Variants in MYOM3 observed in about 807,000 individuals in gnomAD.
The protein encoded by MYOM3 is myomesin-3.
In MYOM3, 155 loss-of-function variants were observed where a neutral mutation model predicts 191.7. The observed-to-expected ratio is 0.81, with a 90% CI of 0.71 to 0.92. The LOEUF (loss-of-function observed/expected upper bound fraction) is 0.92. Ranked by LOEUF, MYOM3 falls within the 40% of genes least tolerant of loss-of-function variation. MYOM3 has a pLI of 0.00. For synonymous variants in MYOM3, 757 were observed against 762.9 expected (o/e 0.99, Z 0.13); for missense variants, 1,889 against 1,890.6 (o/e 1.00, Z 0.02).
intron 20 of MYOM3, among the ~76,000 whole-genome samples, chr1:24,079,348 A>G (rs1240025518): frequency 2.7e-5 from 4 of 147,132 alleles, no homozygotes; most frequent in Admixed American, 6.8e-5. Flanking sequence ...CTACAGGTAT[A>G]TACCACCACA....
chr1:24,068,872 C>T (rs531375560), intron 25 of MYOM3, among the ~76,000 whole-genome samples: 6 of 151,998 alleles, frequency 3.9e-5, no homozygotes, highest in South Asian at 4.2e-4. Context: ...TACAAGCATG[C>T]GCCACCACAC....
At position 24,108,029 on chromosome 1, in the gene MYOM3, G is replaced by C. The variant is rs186409908; in HGVS notation, c.206C>G (p.Ala69Gly). 2.1e-3 allele frequency: 3,366 copies of C among 1,613,790 alleles called. 5 individuals are homozygous for C. Among genetic ancestry groups the C allele is most frequent in the Middle Eastern group, 3.3e-3 (20 of 6,056 alleles). Residue 69 changes from alanine (A) to glycine (G), a missense_variant, in exon 3 of 37, where the codon GCA becomes GGA. By Grantham distance (60) the Ala-to-Gly change is moderately conservative (BLOSUM62 0). Transcript: ENST00000374434. ...GGAGGAGGCCGTCAGAGCCAGGGCT[G>C]CTGCCAGGGCGTAGTCCGCGGCGCT... ...EFSAADYALA[A>G]ALALTASSEL... is the part of the protein sequence containing the mutation.
intron 35 of MYOM3, among the ~76,000 whole-genome samples, chr1:24,059,450 T>C (rs1643342091): frequency 6.6e-6 from 1 of 152,244 alleles, no homozygotes; most frequent in Non-Finnish European, 1.5e-5. Context: ...TGGAAATCTC[T>C]AGAACTGTAT....
chr1:24,067,221 T>G (rs1643448133), intron 27 of MYOM3, 133 bp from the exon 28 acceptor site: 5 of 838,002 alleles, frequency 6.0e-6, no homozygotes, highest in Non-Finnish European at 9.4e-6. Context: ...CTGCCAGGGC[T>G]GGGACTGGGG....
At chr1:24,107,892 A>AG (rs1643997896) in intron 3 of MYOM3, 101 bp downstream of exon 3, 9 of 997,026 alleles carry the variant, frequency 9.0e-6, no homozygotes, top group Non-Finnish European at 1.4e-5. Flanking sequence ...GATTTTGGGC[A>AG]GGTTCTTTAC....
At chr1:24,110,192 G>C (rs1268109364) in intron 1 of MYOM3, among the ~76,000 whole-genome samples, 3 of 152,208 alleles carry the variant, frequency 2.0e-5, no homozygotes, top group Admixed American at 6.5e-5. Flanking sequence ...TGGTCTGCAG[G>C]CTTCTGGCAT....
chr1:24,060,964 G>C, intron 35 of MYOM3, 96 bp downstream of exon 35: 1 of 1,413,688 alleles, frequency 7.1e-7, no homozygotes. Flanking sequence ...CCCCACTGTG[G>C]AATGAGGCCT....
In MYOM3 at chr1:24,063,318, TG is replaced by T; in HGVS notation, c.3662-85del. 3.7e-6 allele frequency: 5 copies of T among 1,367,742 alleles called. No individual in the cohort carries two copies. The highest frequency in any genetic ancestry group is 5.2e-6 in the Non-Finnish European group (5 of 958,818). 84.7% of individuals were successfully genotyped at this position (1,367,742 alleles called of 1,614,324 possible). A position where few individuals can be genotyped will look rare whatever the true frequency, so the allele number is the denominator to read the frequency against. On this transcript the variant is annotated intron_variant, in intron 31 of 36. Coordinates refer to ENST00000374434, the MANE Select transcript of MYOM3 (RefSeq NM_152372.4). This position sits in a 1 kb window ranked among gnomAD's most constrained non-coding sequence, Gnocchi z 4.5. ...GGGGCCGGCTTGTCTGCCTCTGCCCTGGGGGGCAGGTGCTGTGGGGGAAATG... is the reference window on the plus strand; with the variant it reads ...GGGGCCGGCTTGTCTGCCTCTGCCCTGGGGGCAGGTGCTGTGGGGGAAATG...
chr1:24,062,068 G>T lies in MYOM3; in HGVS notation c.3812C>A (p.Thr1271Asn). 1 of 1,614,146 alleles carries T rather than the reference G, an allele frequency of 6.2e-7. No homozygotes were observed. Among genetic ancestry groups the T allele is most frequent in the Non-Finnish European group, 8.5e-7 (1 of 1,180,034 alleles). Residue 1271 changes from threonine (T) to asparagine (N), a missense_variant, in exon 33 of 37, where the codon ACC becomes AAC. By Grantham distance (65) the Thr-to-Asn change is moderately conservative. Coordinates refer to ENST00000374434, the MANE Select transcript of MYOM3 (RefSeq NM_152372.4). ...GTGAAGCCAGATCTCATCCAGGGTG[G>T]TGCCCGTCCTTATCCGATCACCACT... The part of the protein sequence containing the change: ...LESGDRIRTG[T>N]TLDEIWLHIL...
rs1644039879 is a variant in MYOM3 at position 24,111,748 on chromosome 1, T to TA, written c.-19+282_-19+283insT. 6.6e-6 allele frequency among the ~76,000 whole-genome samples: 1 copy of TA among 151,920 alleles called. No individual in the cohort carries two copies. The highest frequency in any genetic ancestry group is 2.4e-5 in the African/African-American group (1 of 41,348). ...TCCCAGGGCAGCCCCCACTCTTTTT[T>TA]TTTTTTTTGCAACTTTCACATCACA... On this transcript the variant is annotated intron_variant, in intron 1 of 36. Transcript: ENST00000374434. This position sits in a 1 kb window ranked among gnomAD's most constrained non-coding sequence, Gnocchi z 4.7.
chr1:24,088,142 C>A (rs1643770393), intron 14 of MYOM3, among the ~76,000 whole-genome samples: 1 of 152,118 alleles, frequency 6.6e-6, no homozygotes, highest in Admixed American at 6.6e-5. Context: ...CAGGGTGAGA[C>A]AGATGAGTGA....
At position 24,063,097 on chromosome 1, in the gene MYOM3, G is replaced by C. The variant is rs1194142090; in HGVS notation, c.3770+29C>G. ...CAGGTGCTGAATCCTTTCCAGCCTG[G>C]CTGGGGTTCTGGGGCAAGGCGGACT... On this transcript the variant is annotated intron_variant, in intron 32 of 36. Coordinates refer to ENST00000374434, the MANE Select transcript of MYOM3 (RefSeq NM_152372.4). The surrounding 1 kb of genome is among the most constrained non-coding windows in gnomAD (Gnocchi z 4.5). The C allele has an allele frequency of 6.0e-6, 9 of 1,502,928 alleles. No individual in the cohort carries two copies. The highest frequency in any genetic ancestry group is 7.4e-6 in the Non-Finnish European group (8 of 1,080,348). 93.1% of individuals were successfully genotyped at this position (1,502,928 alleles called of 1,614,324 possible).
rs1300723821 is a variant in MYOM3, at chr1:24,097,927, G to A, written c.741C>T (p.Val247=). The change falls in exon 7 of 37, where the codon GTC becomes GTT. Residue 247 remains valine (V), a synonymous_variant. Transcript: ENST00000374434. ...GQASSFAKVL[V]RTYLGKDAGF... is the part of the protein sequence containing the mutation. ...GTTGGGGTTGGGAGGACTTACTGCG[G>A]ACGAGGACTTTGGCGAAGGAGGAGG... The A allele has an allele frequency of 3.7e-6, 6 of 1,611,430 alleles. No homozygotes were observed. Among genetic ancestry groups the A allele is most frequent in the Non-Finnish European group, 5.1e-6 (6 of 1,177,638 alleles).
At chr1:24,104,931 TACTGGGCAATGGGCCTTAG>T (rs1643969740) in intron 5 of MYOM3, among the ~76,000 whole-genome samples, 1 of 152,118 alleles carries the variant, frequency 6.6e-6, no homozygotes, top group South Asian at 2.1e-4. Flanking sequence ...TCCCCCAGGG[TACTGGGCAATGGGCCTTAG>T]ACCCAGGGGG....
chr1:24,086,588 G>C, intron 15 of MYOM3, 56 bp downstream of exon 15: 3 of 1,562,168 alleles, frequency 1.9e-6, no homozygotes, highest in Non-Finnish European at 2.6e-6. Flanking sequence ...TGCAGCTTCA[G>C]GTCCTGAGCC....
At chr1:24,067,373 CTTCTTTCTTTCTTT>C (rs1643458825) in intron 27 of MYOM3, among the ~76,000 whole-genome samples, 1 of 42,752 alleles carries the variant, frequency 2.3e-5, no homozygotes, top group Non-Finnish European at 4.6e-5. Flanking sequence ...TCTTTCTTTC[CTTCTTTCTTTCTTT>C]TTCCTTCCTT....
rs1643766211 is a variant in MYOM3, at chr1:24,087,678, T to C, written c.1615-851A>G. 6.6e-6 allele frequency among the ~76,000 whole-genome samples: 1 copy of C among 152,134 alleles called. No individual in the cohort carries two copies. The highest frequency in any genetic ancestry group is 2.4e-5 in the African/African-American group (1 of 41,424). On this transcript the variant is annotated intron_variant, in intron 14 of 36. Coordinates refer to ENST00000374434, the MANE Select transcript of MYOM3 (RefSeq NM_152372.4). The surrounding 1 kb of genome is among the most constrained non-coding windows in gnomAD (Gnocchi z 4.5). ...CCATCCCAGCCACTCCATCTAAAAA[T>C]GTCAGCAGCTCCTCTCCCCACACTT...
chr1:24,084,544 C>T lies in MYOM3; in HGVS notation c.1894G>A (p.Gly632Ser), dbSNP rs544372207. Reference protein sequence around the residue: ...WDPVKDPELLGYYIYSRKVGT... With the variant: ...WDPVKDPELLSYYIYSRKVGT... Reference sequence around the variant, plus strand: ...ACCTTCCGGGAGTAGATGTAATAACCCAGGAGCTCTGGGTCTTTCACAGGA... The same window carrying T: ...ACCTTCCGGGAGTAGATGTAATAACTCAGGAGCTCTGGGTCTTTCACAGGA... Residue 632 changes from glycine to serine, a missense_variant, in exon 16 of 37, where the codon GGT becomes AGT. Gly to Ser is a moderately conservative substitution (Grantham distance 56). Coordinates refer to ENST00000374434, the MANE Select transcript of MYOM3 (RefSeq NM_152372.4). 317 of 1,614,092 alleles carry T rather than the reference C, an allele frequency of 2.0e-4. 9 individuals carry two copies. In the South Asian group the frequency reaches 3.3e-3, roughly 17 times the overall value.
intron 13 of MYOM3, 102 bp downstream of exon 13, chr1:24,089,963 C>A: frequency 8.1e-7 from 1 of 1,237,412 alleles, no homozygotes; most frequent in South Asian, 1.3e-5. Flanking sequence ...GCCCTCATCC[C>A]CCACACCCTG....
Sources: gnomAD v4.1 joint callset for allele counts (sites outside exome capture counted in the v4.1 genomes callset) on GRCh38, gnomAD v4.1.1 for gene constraint, Gnocchi (gnomAD v3.1) non-coding constraint, MANE v1.5 for transcripts, NCBI Gene and HGNC (gene_info 2026-07-23, HGNC 2026-07-21) for gene names.